The following CFAP299 variants were observed in gnomAD, a reference collection of about 807,000 sequenced individuals.
CFAP299 encodes the protein cilia- and flagella-associated protein 299.
Under a neutral mutation model 27.0 loss-of-function variants are expected in CFAP299, and 21 were observed. That is an observed-to-expected ratio of 0.78 (90% confidence interval 0.55 to 1.12). The LOEUF is 1.12. CFAP299 is among the 50% of genes most tolerant of loss of function. CFAP299 has a pLI of 0.00. For missense variants in CFAP299, 310 were observed against 276.6 expected (o/e 1.12, Z -0.86); for synonymous variants, 104 against 98.1 (o/e 1.06, Z -0.36).
chr4:80,941,314 A>G (rs75598166), intron 4 of CFAP299, among the ~76,000 whole-genome samples: 1 of 152,166 alleles, frequency 6.6e-6, no homozygotes, highest in African/African-American at 2.4e-5. Context: ...TAAACTGCTC[A>G]GAGAGAATTC....
chr4:80,552,410 A>G (rs966983427), intron 2 of CFAP299, among the ~76,000 whole-genome samples: 38 of 152,176 alleles, frequency 2.5e-4, no homozygotes, highest in African/African-American at 8.4e-4. Flanking sequence ...CATAGAACAG[A>G]TGTAACTGTG....
intron 3 of CFAP299, among the ~76,000 whole-genome samples, chr4:80,858,700 T>G (rs1257960031): frequency 6.6e-6 from 1 of 152,186 alleles, no homozygotes; most frequent in African/African-American, 2.4e-5. Flanking sequence ...TTGTTCAGTT[T>G]CCATATAGTT....
intron 3 of CFAP299, among the ~76,000 whole-genome samples, chr4:80,807,360 G>T (rs760157105): frequency 1.3e-5 from 2 of 152,004 alleles, no homozygotes; most frequent in South Asian, 4.1e-4. Flanking sequence ...AATACATTGT[G>T]ATAAAAATTA....
At chr4:80,394,319 A>C (rs976225888) in intron 2 of CFAP299, among the ~76,000 whole-genome samples, 1 of 150,626 alleles carries the variant, frequency 6.6e-6, no homozygotes, top group Non-Finnish European at 1.5e-5. Flanking sequence ...TGAATTCCTT[A>C]TACATTTTGA....
At chr4:80,407,771 C>A (rs1404118805) in intron 2 of CFAP299, among the ~76,000 whole-genome samples, 1 of 152,124 alleles carries the variant, frequency 6.6e-6, no homozygotes, top group Non-Finnish European at 1.5e-5. Context: ...CACAAATTAA[C>A]CAACATTGTG....
At position 80,602,201 on chromosome 4, in the gene CFAP299, C is replaced by T. The variant is rs571922573; in HGVS notation, c.333+19018C>T. Among the ~76,000 whole-genome samples the T allele has an allele frequency of 2.4e-3, 368 of 151,402 alleles. 1 individual carries two copies. Among genetic ancestry groups the T allele is most frequent in the African/African-American group, 8.5e-3 (349 of 41,090 alleles). On this transcript the variant is annotated intron_variant, in intron 3 of 5. Transcript: ENST00000358105. ...TACGTAATAAACCTGGACATCCACC[C>T]CTGAACTTAAAATAAAAGTTAAAAA...
chr4:80,430,638 C>T (rs1012356585), intron 2 of CFAP299, among the ~76,000 whole-genome samples: 18 of 152,102 alleles, frequency 1.2e-4, no homozygotes, highest in African/African-American at 4.1e-4. Flanking sequence ...CCCTAAACGC[C>T]GTTCTCATTA....
chr4:80,844,816 T>G (rs940452589), intron 3 of CFAP299, among the ~76,000 whole-genome samples: 1 of 152,250 alleles, frequency 6.6e-6, no homozygotes, highest in Non-Finnish European at 1.5e-5. Context: ...GTTTTAGACA[T>G]GAAGTCCTTG....
chr4:80,508,609 AGTGCAGTGGT>A (rs780040264), intron 2 of CFAP299, among the ~76,000 whole-genome samples: 6 of 152,226 alleles, frequency 3.9e-5, no homozygotes, highest in Non-Finnish European at 7.4e-5. Flanking sequence ...CCCAGGCTGG[AGTGCAGTGGT>A]GTGATCATGG....
chr4:80,419,139 G>A (rs1162153834), intron 2 of CFAP299, among the ~76,000 whole-genome samples: 2 of 152,176 alleles, frequency 1.3e-5, no homozygotes, highest in African/African-American at 4.8e-5. Flanking sequence ...GAGCAAGAGC[G>A]AAAGTTTGCT....
intron 2 of CFAP299, among the ~76,000 whole-genome samples, chr4:80,504,506 T>TATATATATATATA (rs57743936): frequency 2.7e-4 from 34 of 126,306 alleles, no homozygotes; most frequent in East Asian, 4.5e-4. Context: ...TATATATATA[T>TATATATATATATA]TTTCCTTTGA....
intron 2 of CFAP299, among the ~76,000 whole-genome samples, chr4:80,512,622 A>G (rs1732370847): frequency 1.3e-5 from 2 of 152,224 alleles, no homozygotes; most frequent in Non-Finnish European, 2.9e-5. Flanking sequence ...AGGAACTCAC[A>G]ATGCCTGGGT....
intron 3 of CFAP299, among the ~76,000 whole-genome samples, chr4:80,629,115 A>G (rs1402091988): frequency 1.3e-5 from 2 of 152,202 alleles, no homozygotes; most frequent in Non-Finnish European, 2.9e-5. Context: ...GACACAATGG[A>G]ATACTATTAA....
chr4:80,916,252 A>AT (rs1735745218), intron 4 of CFAP299, among the ~76,000 whole-genome samples: 1 of 60,932 alleles, frequency 1.6e-5, no homozygotes, highest in Non-Finnish European at 4.0e-5. Flanking sequence ...ACTAGACTGA[A>AT]ATATATATAT....
intron 4 of CFAP299, among the ~76,000 whole-genome samples, chr4:80,888,094 C>G (rs766531466): frequency 1.1e-4 from 17 of 151,782 alleles, no homozygotes; most frequent in Non-Finnish European, 2.2e-4. Flanking sequence ...ATTAAGCAAC[C>G]AGAAAACAAA....
chr4:80,355,347 TC>T (rs2109989541), intron 1 of CFAP299, among the ~76,000 whole-genome samples: 1 of 140,742 alleles, frequency 7.1e-6, no homozygotes, highest in Non-Finnish European at 1.5e-5. Context: ...AGTGTTCATG[TC>T]CTTTGCTTTT....
the CFAP299 span, among the ~76,000 whole-genome samples, chr4:80,329,030 T>C: frequency 6.6e-6 from 1 of 152,062 alleles, no homozygotes; most frequent in Non-Finnish European, 1.5e-5. Flanking sequence ...TTAAATGCAG[T>C]CCAATATACA....
intron 3 of CFAP299, among the ~76,000 whole-genome samples, chr4:80,858,648 G>A (rs1360758713): frequency 6.6e-6 from 1 of 152,032 alleles, no homozygotes; most frequent in East Asian, 1.9e-4. Context: ...CTTTATTTCT[G>A]CCTTCATTTC....
At chr4:80,893,683 G>A (rs1578218637) in intron 4 of CFAP299, among the ~76,000 whole-genome samples, 1 of 151,268 alleles carries the variant, frequency 6.6e-6, no homozygotes, top group South Asian at 2.1e-4. Flanking sequence ...AAAGAAATTG[G>A]ACCCTTATCT....
Sources: allele counts gnomAD v4.1 joint callset (sites outside exome capture counted in the v4.1 genomes callset), GRCh38; gene constraint gnomAD v4.1.1; transcripts MANE v1.5; gene names NCBI Gene and HGNC (gene_info 2026-07-23, HGNC 2026-07-21).